The following KLHDC7B variants were observed in gnomAD, a reference collection of about 807,000 sequenced individuals.
KLHDC7B encodes kelch domain-containing protein 7B.
A neutral mutation model predicts 0.6 loss-of-function variants in KLHDC7B; 1 was observed. The observed-to-expected ratio is 1.71, with a 90% CI of 0.61 to 8.11. The LOEUF (loss-of-function observed/expected upper bound fraction) is 8.11, where lower values mean the gene tolerates loss of function less well. KLHDC7B is among the 30% of genes most tolerant of loss of function. The pLI is 0.13. For missense variants in KLHDC7B, 993 were observed against 894.9 expected (o/e 1.11, Z -1.40); for synonymous variants, 462 against 405.2 (o/e 1.14, Z -1.68).
In KLHDC7B at chr22:50,550,058, G is replaced by C; in HGVS notation, c.*107G>C. ...GAAGGGGCTGGGATCGGAACTTCCTGCTCTTGTTTCTGGACAACTTTCCCC... is the reference window on the plus strand; with the variant it reads ...GAAGGGGCTGGGATCGGAACTTCCTCCTCTTGTTTCTGGACAACTTTCCCC... On this transcript the variant is annotated 3_prime_UTR_variant, in exon 1 of 1. Coordinates refer to ENST00000648057, the MANE Select transcript of KLHDC7B (RefSeq NM_138433.5). The C allele has an allele frequency of 8.3e-7, 1 of 1,201,092 alleles. No individual in the cohort carries two copies. Among genetic ancestry groups the C allele is most frequent in the Non-Finnish European group, 1.1e-6 (1 of 881,978 alleles). 74.4% of individuals were successfully genotyped at this position (1,201,092 alleles called of 1,614,324 possible).
rs868477666 is a variant in KLHDC7B at position 50,548,857 on chromosome 22, C to A, written c.2614C>A (p.Gln872Lys). 1 of 1,556,832 alleles carries A rather than the reference C, an allele frequency of 6.4e-7. No homozygotes were observed. Among genetic ancestry groups the A allele is most frequent in the East Asian group, 2.4e-5 (1 of 41,528 alleles). ...TTGCCTGGACGTGCTGGCCTTTGCC[C>A]AGCAGCACGGAGAGCCCGGCCTGGC... ...GSCLDVLAFA[Q>K]QHGEPGLAQE... The change falls in exon 1 of 1, where the codon CAG becomes AAG. Residue 872 changes from glutamine (Q) to lysine (K), a missense_variant. Physicochemically the swap from Gln to Lys is moderately conservative, Grantham distance 53. Transcript: ENST00000648057. The surrounding 1 kb of genome is among the most constrained non-coding windows in gnomAD (Gnocchi z 5.3).
In KLHDC7B at chr22:50,546,100, C is replaced by A. The variant is rs1333059821; in HGVS notation, c.-144C>A. On this transcript the variant is annotated 5_prime_UTR_variant, in exon 1 of 1. Coordinates refer to ENST00000648057, the MANE Select transcript of KLHDC7B (RefSeq NM_138433.5). ...CCCCAGGCCTGAGTGCAAGCAGAGA[C>A]CCCACCATTCCCAGGCCCTGGAGGA... Among the ~76,000 whole-genome samples, 1 of 152,186 alleles carries A rather than the reference C, an allele frequency of 6.6e-6. No individual in the cohort carries two copies. Among genetic ancestry groups the A allele is most frequent in the East Asian group, 1.9e-4 (1 of 5,184 alleles).
Position 50,548,944 on chromosome 22 carries a change from T to C in KLHDC7B, c.2701T>C (p.Tyr901His). 6.3e-7 allele frequency: 1 copy of C among 1,597,640 alleles called. No homozygotes were observed. Among genetic ancestry groups the C allele is most frequent in the Non-Finnish European group, 8.5e-7 (1 of 1,173,716 alleles). The change falls in exon 1 of 1, where the codon TAC (tyrosine) becomes CAC (histidine). Residue 901 changes from tyrosine to histidine, a missense_variant. By Grantham distance (83) the Tyr-to-His change is moderately conservative. Transcript: ENST00000648057. This position sits in a 1 kb window ranked among gnomAD's most constrained non-coding sequence, Gnocchi z 5.3. ...GCGAGTGCTGGGAGACCCGTGCCTC[T>C]ACCGCCGGCTGAGCGCGGCCGACCG... ...LLRVLGDPCL[Y>H]RRLSAADRER...
In KLHDC7B at chr22:50,549,850, C is replaced by T; in HGVS notation, c.1684C>T (p.Gln562Ter). 1 of 1,584,658 alleles carries T rather than the reference C, an allele frequency of 6.3e-7. No homozygotes were observed. Among genetic ancestry groups the T allele is most frequent in the Non-Finnish European group, 8.6e-7 (1 of 1,164,820 alleles). Residue 562 changes from glutamine to a stop codon, truncating the protein, a stop_gained, in exon 1 of 1, where the codon CAG becomes TAG. Coordinates refer to the KLHDC7B transcript ENST00000395676. LOFTEE classifies it low-confidence loss of function (END_TRUNC). The stretch of plus-strand genomic sequence containing the variant: ...GGTCTCTGGGGGGACTGCCCAGTTC[C>T]AGGCCAAGGAGCTGCAGCCCTTCCC...
Position 50,545,987 on chromosome 22 carries a change from CTGGTGGGGT to C in KLHDC7B, c.-256_-248del, listed in dbSNP as rs140520. On this transcript the variant is annotated 5_prime_UTR_variant, in exon 1 of 1. Transcript: ENST00000648057. ...TACGAGGAGGAGAAGAGGGCAGGAGCTGGTGGGGTGCTTGCAGAGACCCTGGGCTCCTAT... is the reference window on the plus strand; with the variant it reads ...TACGAGGAGGAGAAGAGGGCAGGAGCGCTTGCAGAGACCCTGGGCTCCTAT... 0.42 allele frequency among the ~76,000 whole-genome samples: 63,878 copies of C among 151,498 alleles called. 14,524 individuals carry two copies. The highest frequency in any genetic ancestry group is 0.62 in the East Asian group (3,159 of 5,094).
At position 50,548,883 on chromosome 22, in the gene KLHDC7B, G is replaced by T. The variant is rs779838276; in HGVS notation, c.2640G>T (p.Ala880=). ...AGCAGCACGGAGAGCCCGGCCTGGC[G>T]CAGGAGACCTACGCGCTGATGAGCG... ...FAQQHGEPGL[A]QETYALMSDN... The change falls in exon 1 of 1, where the codon GCG becomes GCT. Residue 880 remains alanine (A), a synonymous_variant. Coordinates refer to ENST00000648057, the MANE Select transcript of KLHDC7B (RefSeq NM_138433.5). This position sits in a 1 kb window ranked among gnomAD's most constrained non-coding sequence, Gnocchi z 5.3. The T allele has an allele frequency of 1.3e-6, 2 of 1,573,534 alleles. No homozygotes were observed. The highest frequency in any genetic ancestry group is 1.4e-5 in the African/African-American group (1 of 73,874).
In KLHDC7B at chr22:50,549,920, C is replaced by T. The variant is rs1324351680; in HGVS notation, c.3677C>T (p.Pro1226Leu). ...GVLSPFILTL[P>L]PEDRLQTSL is the part of the protein sequence containing the mutation. ...CTCAGTCCATTCATCCTGACTCTGC[C>T]CCCTGAGGACCGGCTGCAGACCTCA... The change falls in exon 1 of 1, where the codon CCC (proline) becomes CTC (leucine). Residue 1226 changes from proline (P) to leucine (L), a missense_variant. Pro to Leu is a moderately conservative substitution (Grantham distance 98). Coordinates refer to ENST00000648057, the MANE Select transcript of KLHDC7B (RefSeq NM_138433.5). The T allele has an allele frequency of 6.3e-7, 1 of 1,581,408 alleles. No individual in the cohort carries two copies. The highest frequency in any genetic ancestry group is 8.6e-7 in the Non-Finnish European group (1 of 1,160,398).
rs1266797304 is a variant in KLHDC7B at position 50,547,387 on chromosome 22, G to A, written c.1144G>A (p.Asp382Asn). ...AGEAGADSSR[D>N]NSPAADLGPT... The stretch of plus-strand genomic sequence containing the variant: ...CGAGGCCGGGGCTGACAGCTCCCGA[G>A]ATAACAGTCCTGCCGCTGACCTGGG... The change falls in exon 1 of 1, where the codon GAT (aspartate) becomes AAT (asparagine). Residue 382 changes from aspartate to asparagine, a missense_variant. Asp to Asn is a conservative substitution (Grantham distance 23). Transcript: ENST00000648057. Among the ~76,000 whole-genome samples the A allele has an allele frequency of 1.3e-5, 2 of 151,902 alleles. No individual in the cohort carries two copies. The highest frequency in any genetic ancestry group is 1.3e-4 in the Admixed American group (2 of 15,266).
chr22:50,547,137 G>A lies in KLHDC7B; in HGVS notation c.894G>A (p.Gln298=), dbSNP rs1181759059. The change falls in exon 1 of 1, where the codon CAG becomes CAA. Residue 298 remains glutamine, a synonymous_variant. Transcript: ENST00000648057. ...CGCTGCCCGCTCCCCGCGCCCTGCA[G>A]CCTGGGTCTCAGACGGAAGGCTCTG... The part of the protein sequence containing the change: ...LPALPAPRAL[Q]PGSQTEGSGA... 1.3e-5 allele frequency among the ~76,000 whole-genome samples: 2 copies of A among 151,518 alleles called. No homozygotes were observed. Among genetic ancestry groups the A allele is most frequent in the Non-Finnish European group, 3.0e-5 (2 of 67,778 alleles).
At position 50,549,561 on chromosome 22, in the gene KLHDC7B, G is replaced by C; in HGVS notation, c.3318G>C (p.Arg1106Ser). The change falls in exon 1 of 1, where the codon AGG becomes AGC. Residue 1106 changes from arginine to serine, a missense_variant. Coordinates refer to ENST00000648057, the MANE Select transcript of KLHDC7B (RefSeq NM_138433.5). ...GTCACCTCTTCTACCGCCTGCTCAG[G>C]TACAGCCCCGTGAAGGATGCTTGGG... is the stretch of plus-strand genomic sequence containing the variant. ...TGGHLFYRLL[R>S]YSPVKDAWDE... 1 of 1,589,652 alleles carries C rather than the reference G, an allele frequency of 6.3e-7. No homozygotes were observed.
In KLHDC7B at chr22:50,548,051, C is replaced by T. The variant is rs2069753736; in HGVS notation, c.1808C>T (p.Pro603Leu). ...PAPAPTSAPTPTPAASPAPAD... is the reference protein window; with the variant it reads ...PAPAPTSAPTLTPAASPAPAD... ...CCAGCCCCCACCTCAGCCCCAACCC[C>T]AACCCCAGCCGCATCCCCTGCCCCA... Residue 603 changes from proline (P) to leucine (L), a missense_variant, in exon 1 of 1, where the codon CCA (proline) becomes CTA (leucine). By Grantham distance (98) the Pro-to-Leu change is moderately conservative. Transcript: ENST00000648057. The surrounding 1 kb of genome is among the most constrained non-coding windows in gnomAD (Gnocchi z 5.3). 1.1e-5 allele frequency: 14 copies of T among 1,226,152 alleles called. No homozygotes were observed. The highest frequency in any genetic ancestry group is 1.4e-5 in the Non-Finnish European group (13 of 959,968). 76.0% of individuals were successfully genotyped at this position (1,226,152 alleles called of 1,614,324 possible).
In KLHDC7B at chr22:50,550,282, T is replaced by G; in HGVS notation, c.*331T>G. The G allele has an allele frequency of 3.2e-6, 1 of 316,894 alleles. No homozygotes were observed. Among genetic ancestry groups the G allele is most frequent in the Non-Finnish European group, 6.1e-6 (1 of 163,830 alleles). The allele number at this position is 316,894 out of a possible 1,614,324, so 19.6% of individuals were successfully genotyped here. A position where few individuals can be genotyped will look rare whatever the true frequency, so the allele number is the denominator to read the frequency against. ...TGATGCGTCTCCACAGACAAGGACT[T>G]GGCTCGCTGGAGCTCTGCTGAGCCG... On this transcript the variant is annotated 3_prime_UTR_variant, in exon 1 of 1. Coordinates refer to ENST00000648057, the MANE Select transcript of KLHDC7B (RefSeq NM_138433.5).
rs371347873 is a variant in KLHDC7B at position 50,549,095 on chromosome 22, C to T, written c.2852C>T (p.Ala951Val). Reference sequence around the variant, plus strand: ...GGCCCTCGTGGCGAGGAGCCTCCTGCGGCGGCCCCTGTGTCCCTGCCTCTA... The same window carrying T: ...GGCCCTCGTGGCGAGGAGCCTCCTGTGGCGGCCCCTGTGTCCCTGCCTCTA... Reference protein sequence around the residue: ...PRGPRGEEPPAAAPVSLPLPA... With the variant: ...PRGPRGEEPPVAAPVSLPLPA... The change falls in exon 1 of 1, where the codon GCG (alanine) becomes GTG (valine). Residue 951 changes from alanine (A) to valine (V), a missense_variant. By Grantham distance (64) the Ala-to-Val change is moderately conservative. Coordinates refer to ENST00000648057, the MANE Select transcript of KLHDC7B (RefSeq NM_138433.5). 7.5e-6 allele frequency: 12 copies of T among 1,600,338 alleles called. No homozygotes were observed. Among genetic ancestry groups the T allele is most frequent in the African/African-American group, 6.7e-5 (5 of 74,904 alleles).
chr22:50,549,097 G>A lies in KLHDC7B; in HGVS notation c.2854G>A (p.Ala952Thr). 6.2e-7 allele frequency: 1 copy of A among 1,600,696 alleles called. No individual in the cohort carries two copies. The highest frequency in any genetic ancestry group is 8.5e-7 in the Non-Finnish European group (1 of 1,179,542). ...RGPRGEEPPAAAPVSLPLPAH... is the reference protein window; with the variant it reads ...RGPRGEEPPATAPVSLPLPAH... ...CCCTCGTGGCGAGGAGCCTCCTGCGGCGGCCCCTGTGTCCCTGCCTCTACC... is the reference window on the plus strand; with the variant it reads ...CCCTCGTGGCGAGGAGCCTCCTGCGACGGCCCCTGTGTCCCTGCCTCTACC... Residue 952 changes from alanine (A) to threonine (T), a missense_variant, in exon 1 of 1, where the codon GCG (alanine) becomes ACG (threonine). By Grantham distance (58) the Ala-to-Thr change is moderately conservative. Transcript: ENST00000648057.
chr22:50,548,989 C>A lies in KLHDC7B; in HGVS notation c.2746C>A (p.Arg916=), dbSNP rs748836236. The change falls in exon 1 of 1, where the codon CGG becomes AGG. Residue 916 remains arginine (R), a synonymous_variant. Transcript: ENST00000648057. This position sits in a 1 kb window ranked among gnomAD's most constrained non-coding sequence, Gnocchi z 5.3. ...CGACCGCGAGCGCATCCTCAGCCTG[C>A]GGACCGGCCGGGGCCGGGCGGTGCT... ...AADRERILSL[R]TGRGRAVLGV... is the part of the protein sequence containing the mutation. 8.8e-6 allele frequency: 14 copies of A among 1,596,450 alleles called. No homozygotes were observed. The highest frequency in any genetic ancestry group is 2.7e-5 in the African/African-American group (2 of 74,566).
In KLHDC7B at chr22:50,549,757, C is replaced by A; in HGVS notation, c.3514C>A (p.Pro1172Thr). The change falls in exon 1 of 1, where the codon CCA (proline) becomes ACA (threonine). Residue 1172 changes from proline to threonine, a missense_variant. Coordinates refer to ENST00000648057, the MANE Select transcript of KLHDC7B (RefSeq NM_138433.5). Reference protein sequence around the residue: ...AASLPLPAPAPLHCTTLGNTI... With the variant: ...AASLPLPAPATLHCTTLGNTI... ...CTCCCTGCCCCTGCCCGCCCCCGCC[C>A]CACTGCACTGCACCACCCTGGGCAA... is the stretch of plus-strand genomic sequence containing the variant. 6.3e-7 allele frequency: 1 copy of A among 1,597,032 alleles called. No homozygotes were observed. Among genetic ancestry groups the A allele is most frequent in the South Asian group, 1.1e-5 (1 of 90,342 alleles).
At position 50,549,738 on chromosome 22, in the gene KLHDC7B, G is replaced by T; in HGVS notation, c.3495G>T (p.Leu1165=). ...GCTCCTGGAGCAGGGCTGCCTCCCT[G>T]CCCCTGCCCGCCCCCGCCCCACTGC... ...VTGSWSRAAS[L]PLPAPAPLHC... is the part of the protein sequence containing the mutation. The change falls in exon 1 of 1, where the codon CTG becomes CTT. Residue 1165 remains leucine (L), a synonymous_variant. Coordinates refer to ENST00000648057, the MANE Select transcript of KLHDC7B (RefSeq NM_138433.5). 2 of 1,588,694 alleles carry T rather than the reference G, an allele frequency of 1.3e-6. No homozygotes were observed. The highest frequency in any genetic ancestry group is 1.7e-6 in the Non-Finnish European group (2 of 1,169,728).
chr22:50,549,704 C>G lies in KLHDC7B; in HGVS notation c.3461C>G (p.Thr1154Arg). 1.3e-6 allele frequency: 2 copies of G among 1,578,998 alleles called. No homozygotes were observed. Among genetic ancestry groups the G allele is most frequent in the African/African-American group, 1.3e-5 (1 of 74,612 alleles). The change falls in exon 1 of 1, where the codon ACA (threonine) becomes AGA (arginine). Residue 1154 changes from threonine to arginine, a missense_variant. Coordinates refer to ENST00000648057, the MANE Select transcript of KLHDC7B (RefSeq NM_138433.5). The stretch of plus-strand genomic sequence containing the variant: ...GGCGCCGCCGTGATGCGCTACAACA[C>G]AGTGACCGGCTCCTGGAGCAGGGCT... Reference protein sequence around the residue: ...GVGAAVMRYNTVTGSWSRAAS... With the variant: ...GVGAAVMRYNRVTGSWSRAAS...
Position 50,549,966 on chromosome 22 carries a change from A to T in KLHDC7B, c.*15A>T. 6.6e-7 allele frequency: 1 copy of T among 1,523,380 alleles called. No homozygotes were observed. The highest frequency in any genetic ancestry group is 2.4e-5 in the East Asian group (1 of 42,194). 94.4% of individuals were successfully genotyped at this position (1,523,380 alleles called of 1,614,324 possible). ...CCTCACTCTGAGTGGCAGGCAGAGA[A>T]CCAAAGCTGCTTCGCTGCTCTCCAG... On this transcript the variant is annotated 3_prime_UTR_variant, in exon 1 of 1. Transcript: ENST00000648057.
Sources: gnomAD v4.1 joint callset for allele counts (sites outside exome capture counted in the v4.1 genomes callset) on GRCh38, gnomAD v4.1.1 for gene constraint, Gnocchi (gnomAD v3.1) non-coding constraint, MANE v1.5 for transcripts, NCBI Gene and HGNC (gene_info 2026-07-23, HGNC 2026-07-21) for gene names.